The following RALGAPA2 variants were observed in gnomAD, a reference collection of about 807,000 sequenced individuals.
RALGAPA2 encodes the protein Ral GTPase activating protein catalytic subunit alpha 2.
In RALGAPA2, 139 loss-of-function variants were observed where a neutral mutation model predicts 230.4. The ratio of observed to expected loss-of-function variants is 0.60; its 90% CI spans 0.53 to 0.69. RALGAPA2 has a LOEUF of 0.69. Among genes scored for constraint, RALGAPA2 ranks in the 30% least tolerant of loss-of-function variants. The pLI is 0.00. For missense variants in RALGAPA2, 2,163 were observed against 2,276.0 expected, an observed-to-expected ratio of 0.95 and a Z score of 1.01; for synonymous variants, 847 against 837.8, an observed-to-expected ratio of 1.01 and a Z score of -0.19.
intron 3 of RALGAPA2, among the ~76,000 whole-genome samples, chr20:20,667,686 C>T (rs757163708): frequency 3.9e-5 from 6 of 152,136 alleles, no homozygotes; most frequent in Non-Finnish European, 7.3e-5. Flanking sequence ...TACCAAAGGA[C>T]GGGTGAGAAA....
intron 37 of RALGAPA2, among the ~76,000 whole-genome samples, chr20:20,414,267 G>C (rs1199423722): frequency 6.6e-6 from 1 of 152,160 alleles, no homozygotes; most frequent in Non-Finnish European, 1.5e-5. Context: ...TTGTGGGCCT[G>C]GGTTAGAGCA....
chr20:20,665,788 TATAGAG>T (rs2146708291), intron 3 of RALGAPA2, among the ~76,000 whole-genome samples: 1 of 152,310 alleles, frequency 6.6e-6, no homozygotes, highest in African/African-American at 2.4e-5. Flanking sequence ...AACCACATGC[TATAGAG>T]ATAAAGGATC....
intron 35 of RALGAPA2, among the ~76,000 whole-genome samples, chr20:20,501,570 A>T (rs888849433): frequency 3.9e-5 from 6 of 152,198 alleles, no homozygotes; most frequent in Non-Finnish European, 5.9e-5. Flanking sequence ...ATCTGTTCAG[A>T]CCACCAAAAC....
intron 37 of RALGAPA2, among the ~76,000 whole-genome samples, chr20:20,450,738 C>T (rs1401352021): frequency 6.6e-6 from 1 of 152,238 alleles, no homozygotes; most frequent in East Asian, 1.9e-4. Context: ...TTCTGGGTGC[C>T]TGTGATCAGC....
chr20:20,677,938 G>A (rs763216844), intron 2 of RALGAPA2, among the ~76,000 whole-genome samples: 42 of 151,988 alleles, frequency 2.8e-4, no homozygotes, highest in Middle Eastern at 3.4e-3. Flanking sequence ...GAGCCACCGC[G>A]CCTGACTCAT....
At chr20:20,705,711 T>C (rs1461863491) in intron 1 of RALGAPA2, among the ~76,000 whole-genome samples, 2 of 152,118 alleles carry the variant, frequency 1.3e-5, no homozygotes, top group Admixed American at 6.5e-5. Flanking sequence ...CTCTGTTGCC[T>C]AGGCTGGAGT....
At chr20:20,447,363 G>A (rs540958470) in intron 37 of RALGAPA2, among the ~76,000 whole-genome samples, 9 of 152,308 alleles carry the variant, frequency 5.9e-5, no homozygotes, top group Middle Eastern at 3.4e-3. Flanking sequence ...AATGCCCAGA[G>A]AAACCAGCTA....
At position 20,390,654 on chromosome 20, in the gene RALGAPA2, G is replaced by A. The variant is rs2059588160; in HGVS notation, c.*2635C>T. 6.6e-6 allele frequency: 1 copy of A among 150,632 alleles called. No individual in the cohort carries two copies. The highest frequency in any genetic ancestry group is 1.5e-5 in the Non-Finnish European group (1 of 67,792). 9.3% of individuals were successfully genotyped at this position (150,632 alleles called of 1,614,324 possible). ...GATCCTCCGCAATTTTGCTGAAAGG[G>A]ATTTATTACAAAAACACAATATTTG... On this transcript the variant is annotated 3_prime_UTR_variant, in exon 40 of 40. Coordinates refer to ENST00000202677, the MANE Select transcript of RALGAPA2 (RefSeq NM_020343.4).
chr20:20,499,201 C>T (rs1016591188), intron 35 of RALGAPA2, among the ~76,000 whole-genome samples: 1 of 152,098 alleles, frequency 6.6e-6, no homozygotes, highest in Admixed American at 6.5e-5. Flanking sequence ...TGATGCTAAA[C>T]CTTACAGCTG....
At chr20:20,639,963 G>T (rs1262787745) in intron 6 of RALGAPA2, 63 bp from the exon 7 acceptor site, 6 of 1,288,874 alleles carry the variant, frequency 4.7e-6, no homozygotes, top group Middle Eastern at 1.9e-4. Context: ...AGAATTTAGG[G>T]TTTTAAAAAT....
chr20:20,499,743 C>T (rs528661591), intron 35 of RALGAPA2, among the ~76,000 whole-genome samples: 2 of 152,164 alleles, frequency 1.3e-5, no homozygotes, highest in Admixed American at 6.6e-5. Flanking sequence ...AGTTTTTGAA[C>T]GCAAATTGTA....
chr20:20,686,579 G>A (rs1568753704), intron 1 of RALGAPA2, among the ~76,000 whole-genome samples: 4 of 151,736 alleles, frequency 2.6e-5, no homozygotes, highest in South Asian at 4.2e-4. Context: ...TACATCACAC[G>A]GCTGCTGTGA....
chr20:20,553,630 T>A (rs1027410737), intron 23 of RALGAPA2, among the ~76,000 whole-genome samples: 2 of 152,140 alleles, frequency 1.3e-5, no homozygotes, highest in African/African-American at 4.8e-5. Context: ...ACACTGAATG[T>A]CCTTGACAGC....
intron 23 of RALGAPA2, among the ~76,000 whole-genome samples, chr20:20,562,237 C>A (rs1282752440): frequency 6.6e-6 from 1 of 151,886 alleles, no homozygotes; most frequent in Non-Finnish European, 1.5e-5. Flanking sequence ...GAGCATCTAC[C>A]CTCTCTGGGA....
intron 1 of RALGAPA2, among the ~76,000 whole-genome samples, chr20:20,681,234 A>G (rs1035951664): frequency 5.9e-5 from 9 of 152,152 alleles, no homozygotes; most frequent in Non-Finnish European, 1.2e-4. Context: ...GAGCTCCTAA[A>G]TGGACCAATC....
At chr20:20,590,302 C>A (rs1165303007) in intron 17 of RALGAPA2, among the ~76,000 whole-genome samples, 1 of 151,930 alleles carries the variant, frequency 6.6e-6, no homozygotes, top group African/African-American at 2.4e-5. Context: ...GTAGTTTCTA[C>A]CAAATATGTA....
intron 37 of RALGAPA2, among the ~76,000 whole-genome samples, chr20:20,427,933 C>G (rs2122933082): frequency 6.6e-6 from 1 of 152,122 alleles, no homozygotes; most frequent in East Asian, 1.9e-4. Context: ...CTCTGAGTAC[C>G]TAAATCTTTT....
chr20:20,513,585 G>C (rs903813273), intron 31 of RALGAPA2, among the ~76,000 whole-genome samples: 4 of 152,180 alleles, frequency 2.6e-5, no homozygotes, highest in African/African-American at 7.2e-5. Context: ...TGAAGCCCCA[G>C]TACCCGAGAC....
chr20:20,565,640 GTTTTT>G (rs1177383138), intron 23 of RALGAPA2, among the ~76,000 whole-genome samples: 1 of 151,984 alleles, frequency 6.6e-6, no homozygotes, highest in African/African-American at 2.4e-5. Flanking sequence ...TAAAATTATG[GTTTTT>G]TTTAACATTG....
Sources: gnomAD v4.1 joint callset for allele counts (sites outside exome capture counted in the v4.1 genomes callset) on GRCh38, gnomAD v4.1.1 for gene constraint, MANE v1.5 for transcripts, NCBI Gene and HGNC (gene_info 2026-07-23, HGNC 2026-07-21) for gene names.